CSMD2: variants seen among roughly 807,000 people sequenced by gnomAD.
CSMD2 encodes the protein CUB and sushi domain-containing protein 2.
CSMD2 carries 130 observed loss-of-function variants against 398.5 expected under a neutral mutation model. The observed-to-expected ratio is 0.33, with a 90% CI of 0.28 to 0.38. The LOEUF (loss-of-function observed/expected upper bound fraction) is 0.38, where lower values mean the gene tolerates loss of function less well. Among genes scored for constraint, CSMD2 ranks in the 10% least tolerant of loss-of-function variants. The pLI is 1.00. For synonymous variants in CSMD2, 1,828 were observed against 1,908.5 expected, an observed-to-expected ratio of 0.96 and a Z score of 1.10; for missense variants, 3,829 against 4,764.9, an observed-to-expected ratio of 0.80 and a Z score of 5.78.
chr1:33,983,646 C>A (rs189553141), intron 3 of CSMD2, among the ~76,000 whole-genome samples: 1 of 152,056 alleles, frequency 6.6e-6, no homozygotes, highest in East Asian at 1.9e-4. Context: ...AGGTCACAGG[C>A]ATGCTTTCTC....
intron 18 of CSMD2, 64 bp downstream of exon 18, chr1:33,724,452 C>A: frequency 6.4e-7 from 1 of 1,573,682 alleles, no homozygotes; most frequent in Non-Finnish European, 8.7e-7. Context: ...GTCTTTTGAG[C>A]ACCTGTGTTT....
intron 1 of CSMD2, among the ~76,000 whole-genome samples, chr1:34,102,041 T>A (rs1302337489): frequency 5.9e-5 from 9 of 152,124 alleles, no homozygotes; most frequent in African/African-American, 2.2e-4. Context: ...GTTCACTTTT[T>A]TTTTTTTGAG....
At chr1:33,917,991 G>A (rs1643812569) in intron 5 of CSMD2, 103 bp downstream of exon 5, 1 of 980,306 alleles carries the variant, frequency 1.0e-6, no homozygotes, top group Non-Finnish European at 1.6e-6. Context: ...AAGTGGCTAA[G>A]AGGCCTCTGG....
chr1:33,688,208 T>C (rs1250193141), intron 25 of CSMD2, among the ~76,000 whole-genome samples: 1 of 152,198 alleles, frequency 6.6e-6, no homozygotes, highest in Non-Finnish European at 1.5e-5. Context: ...TGGTGGTACA[T>C]ACAATAGAAT....
intron 52 of CSMD2, 93 bp downstream of exon 52, chr1:33,569,281 G>C: frequency 7.6e-7 from 1 of 1,310,490 alleles, no homozygotes; most frequent in Non-Finnish European, 1.0e-6. Flanking sequence ...TAGGTGAAAT[G>C]ATACTGTTTA....
intron 25 of CSMD2, among the ~76,000 whole-genome samples, chr1:33,676,342 G>A (rs1463636840): frequency 4.6e-5 from 7 of 152,130 alleles, no homozygotes; most frequent in Admixed American, 4.6e-4. Context: ...CAAATCATGA[G>A]TGAACTCCCA....
In CSMD2 at chr1:33,567,601, A is replaced by G; in HGVS notation, c.8372T>C (p.Phe2791Ser). 1.2e-6 allele frequency: 2 copies of G among 1,614,068 alleles called. No homozygotes were observed. The highest frequency in any genetic ancestry group is 1.6e-4 in the Middle Eastern group (1 of 6,062). Residue 2791 changes from phenylalanine (F) to serine (S), a missense_variant, in exon 53 of 71, where the codon TTC becomes TCC. By Grantham distance (155) the Phe-to-Ser change is radical. Coordinates refer to ENST00000373381, the MANE Select transcript of CSMD2 (RefSeq NM_001281956.2). ...QDHHWSGKTPFCVPITCGHPG... is the reference protein window; with the variant it reads ...QDHHWSGKTPSCVPITCGHPG... The stretch of plus-strand genomic sequence containing the variant: ...GTGGATGACATACTTACGCACACAG[A>G]AAGGGGTCTTGCCCGACCAGTGATG...
rs866838162 is a variant in CSMD2 at position 33,546,269 on chromosome 1, G to C, written c.8918-50C>G. The C allele has an allele frequency of 1.6e-5, 25 of 1,553,464 alleles. 1 individual carries two copies. In the Middle Eastern group the frequency reaches 2.9e-3, roughly 182 times the overall value. On this transcript the variant is annotated intron_variant, in intron 56 of 70. Coordinates refer to ENST00000373381, the MANE Select transcript of CSMD2 (RefSeq NM_001281956.2). ...CCATTATTTTTCAGGGAAGAAAAGG[G>C]AGTGGAGAAGCAGGGGAGAAAGATA... is the stretch of plus-strand genomic sequence containing the variant.
chr1:33,713,590 G>T (rs962011641), intron 21 of CSMD2, among the ~76,000 whole-genome samples: 1 of 152,210 alleles, frequency 6.6e-6, no homozygotes, highest in Admixed American at 6.5e-5. Context: ...TACTACCTGG[G>T]CACAGCGCTC....
chr1:33,620,509 T>G (rs1641700810), intron 37 of CSMD2, among the ~76,000 whole-genome samples: 1 of 152,130 alleles, frequency 6.6e-6, no homozygotes, highest in African/African-American at 2.4e-5. Context: ...AGAGGTGGAT[T>G]TTTTTCCTGG....
chr1:33,698,605 G>T, intron 24 of CSMD2, 148 bp downstream of exon 24: 1 of 641,994 alleles, frequency 1.6e-6, no homozygotes. Context: ...GGGTGCAGGT[G>T]AACCATGATG....
At chr1:34,089,233 A>C (rs769229263) in intron 1 of CSMD2, 40 bp from the exon 2 acceptor site, 1 of 1,566,328 alleles carries the variant, frequency 6.4e-7, no homozygotes, top group Non-Finnish European at 8.8e-7. Flanking sequence ...TAGCCAGAAT[A>C]ACTCCTAGAA....
intron 13 of CSMD2, among the ~76,000 whole-genome samples, chr1:33,746,814 A>G (rs1318166474): frequency 1.3e-5 from 2 of 152,216 alleles, no homozygotes; most frequent in Admixed American, 6.5e-5. Flanking sequence ...AAAGAAGGTG[A>G]CATGAACATG....
At chr1:33,814,514 T>A (rs1030354318) in intron 9 of CSMD2, among the ~76,000 whole-genome samples, 6 of 152,208 alleles carry the variant, frequency 3.9e-5, no homozygotes, top group African/African-American at 1.4e-4. Context: ...TTTGGCTTTC[T>A]CTTTGGAGGG....
intron 19 of CSMD2, among the ~76,000 whole-genome samples, chr1:33,719,083 T>TG (rs11396648): frequency 0.59 from 89,897 of 152,006 alleles, 27,719 homozygotes; most frequent in East Asian, 0.99. Context: ...GGAGGAAGAA[T>TG]GGGAACTATG....
chr1:34,110,932 A>C (rs1401532553), intron 1 of CSMD2, among the ~76,000 whole-genome samples: 1 of 152,214 alleles, frequency 6.6e-6, no homozygotes, highest in Non-Finnish European at 1.5e-5. Context: ...ATAAAATATT[A>C]ACTAACCCCC....
At chr1:33,886,793 T>C (rs1366138025) in intron 5 of CSMD2, among the ~76,000 whole-genome samples, 1 of 152,124 alleles carries the variant, frequency 6.6e-6, no homozygotes, top group African/African-American at 2.4e-5. Flanking sequence ...TCAGGGGAAG[T>C]CTCCAAAGCT....
At chr1:34,058,868 G>A (rs1324414942) in intron 2 of CSMD2, among the ~76,000 whole-genome samples, 1 of 152,172 alleles carries the variant, frequency 6.6e-6, no homozygotes, top group Non-Finnish European at 1.5e-5. Context: ...CAAGCTGGAA[G>A]CCATGGATGC....
intron 44 of CSMD2, among the ~76,000 whole-genome samples, chr1:33,597,649 G>T (rs993138378): frequency 6.6e-6 from 1 of 152,186 alleles, no homozygotes; most frequent in African/African-American, 2.4e-5. Flanking sequence ...TTCAGTTGCT[G>T]GGAAGAGTGT....
Sources: allele counts gnomAD v4.1 joint callset (sites outside exome capture counted in the v4.1 genomes callset), GRCh38; gene constraint gnomAD v4.1.1; transcripts MANE v1.5; gene names NCBI Gene and HGNC (gene_info 2026-07-23, HGNC 2026-07-21).